NDUFAB1: variants seen among roughly 807,000 people sequenced by gnomAD.
NDUFAB1 encodes the protein NADH:ubiquinone oxidoreductase subunit AB1.
A neutral mutation model predicts 16.1 loss-of-function variants in NDUFAB1; 5 were observed. The ratio of observed to expected loss-of-function variants is 0.31; its 90% CI spans 0.16 to 0.65. NDUFAB1 has a LOEUF of 0.65. Among genes scored for constraint, NDUFAB1 ranks in the 30% least tolerant of loss-of-function variants. NDUFAB1 has a pLI of 0.77. For missense variants in NDUFAB1, 187 were observed against 205.3 expected (o/e 0.91, Z 0.54); for synonymous variants, 85 against 78.4 (o/e 1.08, Z -0.44).
intron 1 of NDUFAB1, among the ~76,000 whole-genome samples, chr16:23,590,019 G>A (rs1024112775): frequency 6.6e-6 from 1 of 152,076 alleles, no homozygotes; most frequent in African/African-American, 2.4e-5. Flanking sequence ...CAACACTTTG[G>A]GAGGCCAAAG....
intron 1 of NDUFAB1, among the ~76,000 whole-genome samples, chr16:23,591,623 T>G (rs1163422266): frequency 6.6e-6 from 1 of 152,158 alleles, no homozygotes; most frequent in Non-Finnish European, 1.5e-5. Context: ...TCACTCCCTA[T>G]GACCTTTGCA....
chr16:23,591,461 C>T (rs928675638), intron 1 of NDUFAB1, among the ~76,000 whole-genome samples: 2 of 152,146 alleles, frequency 1.3e-5, no homozygotes, highest in African/African-American at 4.8e-5. Context: ...CTACAAACTG[C>T]CGACTGGTCC....
intron 4 of NDUFAB1, among the ~76,000 whole-genome samples, chr16:23,581,619 A>C (rs1966180513): frequency 1.3e-5 from 2 of 152,180 alleles, no homozygotes; most frequent in Admixed American, 1.3e-4. Context: ...GTTTTAATTC[A>C]AAAAGTCTTA....
chr16:23,584,271 A>AAAAAAAAAAAAAAAAAAAAC (rs1567407414), intron 3 of NDUFAB1, among the ~76,000 whole-genome samples: 1 of 138,220 alleles, frequency 7.2e-6, no homozygotes, highest in East Asian at 2.1e-4. Context: ...AAAAAAAAAA[A>AAAAAAAAAAAAAAAAAAAAC]AAAGAAACCC....
In NDUFAB1 at chr16:23,583,695, G is replaced by A. The variant is rs554170798; in HGVS notation, c.380-1320C>T. Among the ~76,000 whole-genome samples the A allele has an allele frequency of 2.9e-5, 4 of 138,986 alleles. 1 individual carries two copies. Among genetic ancestry groups the A allele is most frequent in the Non-Finnish European group, 6.2e-5 (4 of 64,362 alleles). The allele number at this position is 138,986 out of a possible 152,430, so 91.2% of individuals were successfully genotyped here. ...TGAGAAGTGAGGAGCCCCTCTGCCC[G>A]GCAGCCGCCCCGTCTGGGAAGTGAG... On this transcript the variant is annotated intron_variant, in intron 3 of 4. Coordinates refer to ENST00000007516, the MANE Select transcript of NDUFAB1 (RefSeq NM_005003.3).
intron 1 of NDUFAB1, among the ~76,000 whole-genome samples, chr16:23,590,079 G>T (rs957047905): frequency 2.6e-5 from 4 of 152,020 alleles, no homozygotes; most frequent in African/African-American, 9.7e-5. Flanking sequence ...GGGCAACAAA[G>T]CAAGACCCCT....
rs201698781 is a variant in NDUFAB1 at position 23,583,794 on chromosome 16, G to A, written c.380-1419C>T. 1.3e-3 allele frequency among the ~76,000 whole-genome samples: 190 copies of A among 151,838 alleles called. 2 individuals are homozygous for A. The East Asian group carries it at 0.034, about 27-fold the overall frequency. On this transcript the variant is annotated intron_variant, in intron 3 of 4. Transcript: ENST00000007516. ...CTCATTGAGAACGGGCCATGATGAC[G>A]ATGGCGGTTGTTTCGAATAGAAAAG...
In NDUFAB1 at chr16:23,596,221, G is replaced by C; in HGVS notation, c.70C>G (p.Arg24Gly). The C allele has an allele frequency of 6.2e-7, 1 of 1,608,662 alleles. No homozygotes were observed. The highest frequency in any genetic ancestry group is 8.5e-7 in the Non-Finnish European group (1 of 1,178,246). ...PAAFAPLPRV[R>G]MLAVARPLST... ...AGAGGCCGGGCCACGGCCAGCATCC[G>C]GACCCGGGGCAGCGGCGCAAAGGCC... Residue 24 changes from arginine to glycine, a missense_variant, in exon 1 of 5, where the codon CGG becomes GGG. Physicochemically the swap from Arg to Gly is moderately radical, Grantham distance 125. Coordinates refer to ENST00000007516, the MANE Select transcript of NDUFAB1 (RefSeq NM_005003.3).
chr16:23,589,313 AAATCAGGTTT>A (rs1203176731), intron 1 of NDUFAB1, among the ~76,000 whole-genome samples: 2 of 152,026 alleles, frequency 1.3e-5, no homozygotes, highest in Non-Finnish European at 2.9e-5. Context: ...AAAAAAAAAA[AAATCAGGTTT>A]AATCAGCAAA....
In NDUFAB1 at chr16:23,587,277, T is replaced by C; in HGVS notation, c.211A>G (p.Met71Val). 1.9e-6 allele frequency: 3 copies of C among 1,614,076 alleles called. No homozygotes were observed. The highest frequency in any genetic ancestry group is 2.5e-6 in the Non-Finnish European group (3 of 1,179,936). ...VTQLCRQYSDMPPLTLEGIQD... is the reference protein window; with the variant it reads ...VTQLCRQYSDVPPLTLEGIQD... ...ATGCCCTCTAACGTCAAAGGAGGCA[T>C]GTCGCTATACTGGCGGCACAACTGT... Residue 71 changes from methionine (M) to valine (V), a missense_variant, in exon 2 of 5, where the codon ATG becomes GTG. This residue lies in a region of NDUFAB1 where 135 missense variants were observed against 129.4 expected (regional missense o/e 1.04). Coordinates refer to ENST00000007516, the MANE Select transcript of NDUFAB1 (RefSeq NM_005003.3).
At position 23,594,892 on chromosome 16, in the gene NDUFAB1, ATC is replaced by A. The variant is rs200908411; in HGVS notation, c.168+1229_168+1230del. On this transcript the variant is annotated intron_variant, in intron 1 of 4. Transcript: ENST00000007516. The stretch of plus-strand genomic sequence containing the variant: ...TTTCATAACTTGACCTTGGGAGTCT[ATC>A]CTACCTTAAGACGGTTATTTTTATT... Among the ~76,000 whole-genome samples, 533 of 152,222 alleles carry A rather than the reference ATC, an allele frequency of 3.5e-3. 12 individuals carry two copies. Among genetic ancestry groups the A allele is most frequent in the East Asian group, 0.026 (134 of 5,156 alleles).
intron 2 of NDUFAB1, among the ~76,000 whole-genome samples, chr16:23,585,748 G>A (rs1966227245): frequency 6.6e-6 from 1 of 152,116 alleles, no homozygotes; most frequent in Non-Finnish European, 1.5e-5. Context: ...ACCTATGAGC[G>A]AGAACACACA....
intron 1 of NDUFAB1, among the ~76,000 whole-genome samples, chr16:23,591,611 G>A (rs1048053389): frequency 3.9e-5 from 6 of 152,102 alleles, no homozygotes; most frequent in Admixed American, 3.9e-4. Flanking sequence ...CCTGTTTCAT[G>A]TTCACTCCCT....
intron 2 of NDUFAB1, among the ~76,000 whole-genome samples, chr16:23,586,447 G>T (rs904711641): frequency 6.7e-6 from 1 of 149,506 alleles, no homozygotes; most frequent in Non-Finnish European, 1.5e-5. Context: ...GCAATTCTCT[G>T]CCTCATCCTC....
At chr16:23,588,275 T>C (rs1966249905) in intron 1 of NDUFAB1, among the ~76,000 whole-genome samples, 2 of 146,996 alleles carry the variant, frequency 1.4e-5, no homozygotes, top group African/African-American at 5.1e-5. Flanking sequence ...GCCAACATGG[T>C]GAAACCCCGT....
chr16:23,585,329 G>A lies in NDUFAB1; in HGVS notation c.379+7C>T. The A allele has an allele frequency of 1.2e-6, 2 of 1,601,298 alleles. No homozygotes were observed. The highest frequency in any genetic ancestry group is 1.1e-5 in the South Asian group (1 of 90,832). On this transcript the variant is annotated splice_region_variant and intron_variant, in intron 3 of 4. Transcript: ENST00000007516. ...TCGCAGTGTGTAGATAGAAGACTGA[G>A]CCTTACCAAATTCGTCTTCCATGGC...
chr16:23,596,015 C>G, intron 1 of NDUFAB1, 108 bp downstream of exon 1: 1 of 1,355,984 alleles, frequency 7.4e-7, no homozygotes, highest in South Asian at 1.5e-5. Flanking sequence ...CGGCTGCCCC[C>G]CGGGTCACCC....
intron 1 of NDUFAB1, among the ~76,000 whole-genome samples, chr16:23,589,299 GAAAA>G (rs200912248): frequency 9.8e-6 from 1 of 102,432 alleles, no homozygotes; most frequent in African/African-American, 3.5e-5. Context: ...TCCGTCTCAA[GAAAA>G]AAAAAAAAAA....
chr16:23,588,369 C>T (rs372062108), intron 1 of NDUFAB1, among the ~76,000 whole-genome samples: 1 of 151,926 alleles, frequency 6.6e-6, no homozygotes, highest in Non-Finnish European at 1.5e-5. Context: ...GAAGGAGAAT[C>T]GCTTGAATGT....
Sources: allele counts gnomAD v4.1 joint callset (sites outside exome capture counted in the v4.1 genomes callset), GRCh38; gene constraint gnomAD v4.1.1; regional missense constraint gnomAD v4.1.1; transcripts MANE v1.5; gene names NCBI Gene and HGNC (gene_info 2026-07-23, HGNC 2026-07-21).